The following CAB39L variants were observed in gnomAD, a reference collection of about 807,000 sequenced individuals.
CAB39L encodes the protein calcium-binding protein 39-like.
CAB39L carries 23 observed loss-of-function variants against 39.1 expected under a neutral mutation model. The observed-to-expected ratio is 0.59, with a 90% CI of 0.42 to 0.83. The LOEUF (loss-of-function observed/expected upper bound fraction) is 0.83, where lower values mean the gene tolerates loss of function less well. Among genes scored for constraint, CAB39L ranks in the 40% least tolerant of loss-of-function variants. The pLI is 0.00. For missense variants in CAB39L, 366 were observed against 391.9 expected, an observed-to-expected ratio of 0.93 and a Z score of 0.56; for synonymous variants, 126 against 137.2, an observed-to-expected ratio of 0.92 and a Z score of 0.57.
intron 5 of CAB39L, among the ~76,000 whole-genome samples, chr13:49,364,634 T>TTCC: frequency 6.6e-6 from 1 of 152,150 alleles, no homozygotes; most frequent in East Asian, 1.9e-4. Context: ...TCAGTAGCAT[T>TTCC]TCTATATGCT....
At chr13:49,392,864 A>G (rs1312845429) in intron 3 of CAB39L, 10 of 152,162 alleles carry the variant, frequency 6.6e-5, no homozygotes. Context: ...TTAATAATAG[A>G]AAATTGATGA....
chr13:49,410,007 C>T (rs74073711), intron 3 of CAB39L, among the ~76,000 whole-genome samples: 33,926 of 151,896 alleles, frequency 0.22, 3,821 homozygotes, highest in Middle Eastern at 0.23. Context: ...GTTAAAGTTC[C>T]GCTTATATCC....
intron 5 of CAB39L, among the ~76,000 whole-genome samples, chr13:49,374,072 C>T (rs759288055): frequency 6.6e-6 from 1 of 152,204 alleles, no homozygotes; most frequent in African/African-American, 2.4e-5. Context: ...CACTCCTTTT[C>T]ATTCATTCAT....
In CAB39L at chr13:49,430,234, C is replaced by T. The variant is rs9596103; in HGVS notation, c.-32+3084G>A. On this transcript the variant is annotated intron_variant, in intron 3 of 10. Coordinates refer to ENST00000409308, the MANE Select transcript of CAB39L (RefSeq NM_001079670.3). ...ACTAAAGATGCCCTTTTGCATGCTG[C>T]TAACTGCTATAGATAGTTGGGCGGA... Among the ~76,000 whole-genome samples the T allele has an allele frequency of 1.2e-3, 181 of 152,266 alleles. 1 individual carries two copies. The highest frequency in any genetic ancestry group is 4.3e-3 in the African/African-American group (180 of 41,556).
intron 10 of CAB39L, among the ~76,000 whole-genome samples, chr13:49,312,414 G>A (rs1308720821): frequency 6.6e-6 from 1 of 152,028 alleles, no homozygotes; most frequent in African/African-American, 2.4e-5. Context: ...TCTCTTTTAT[G>A]CCATCTTGTT....
intron 10 of CAB39L, among the ~76,000 whole-genome samples, chr13:49,314,182 T>C (rs1010992693): frequency 6.6e-6 from 1 of 152,048 alleles, no homozygotes; most frequent in Non-Finnish European, 1.5e-5. Flanking sequence ...ACAGTAAGAA[T>C]GAGTAAGGGA....
intron 10 of CAB39L, among the ~76,000 whole-genome samples, chr13:49,330,103 T>C (rs1954646203): frequency 6.6e-6 from 1 of 152,178 alleles, no homozygotes; most frequent in Non-Finnish European, 1.5e-5. Flanking sequence ...GCCAGCCTGC[T>C]TTCCACCTGG....
At position 49,332,622 on chromosome 13, in the gene CAB39L, T is replaced by G. The variant is rs1198506; in HGVS notation, c.691-532A>C. Among the ~76,000 whole-genome samples, 565 of 152,252 alleles carry G rather than the reference T, an allele frequency of 3.7e-3. 3 individuals are homozygous for G. Among genetic ancestry groups the G allele is most frequent in the African/African-American group, 0.013 (534 of 41,560 alleles). ...CAAATTTAGTAAGTGCAGCAAGTTT[T>G]TATTAAAAAGCAAAGCAAAACATTT... On this transcript the variant is annotated intron_variant, in intron 9 of 10. Transcript: ENST00000409308.
chr13:49,429,763 G>A (rs1957292758), intron 3 of CAB39L, among the ~76,000 whole-genome samples: 1 of 152,084 alleles, frequency 6.6e-6, no homozygotes, highest in Non-Finnish European at 1.5e-5. Flanking sequence ...TTCTCTTATA[G>A]TTTTAATTTG....
intron 5 of CAB39L, among the ~76,000 whole-genome samples, chr13:49,375,234 T>C (rs1294413640): frequency 6.6e-6 from 1 of 152,158 alleles, no homozygotes; most frequent in Non-Finnish European, 1.5e-5. Flanking sequence ...ATTATTCCTA[T>C]TTTATAGATG....
intron 1 of CAB39L, among the ~76,000 whole-genome samples, chr13:49,436,000 T>A (rs1957407178): frequency 6.6e-6 from 1 of 152,262 alleles, no homozygotes. Flanking sequence ...CATTTTTCAC[T>A]ATTTAAATAC....
intron 10 of CAB39L, among the ~76,000 whole-genome samples, chr13:49,322,880 TTA>T (rs1954389099): frequency 1.3e-5 from 2 of 152,218 alleles, no homozygotes. Flanking sequence ...TTGGTTTTAT[TTA>T]TAGTCACTCT....
At chr13:49,346,665 T>G (rs1425626442) in intron 7 of CAB39L, among the ~76,000 whole-genome samples, 1 of 152,192 alleles carries the variant, frequency 6.6e-6, no homozygotes, top group African/African-American at 2.4e-5. Context: ...GAGGGCTGAC[T>G]GTGCTGGGGA....
chr13:49,415,027 C>G (rs1375003161), intron 3 of CAB39L, among the ~76,000 whole-genome samples: 2 of 151,620 alleles, frequency 1.3e-5, no homozygotes, highest in Non-Finnish European at 2.9e-5. Context: ...GAAATCCCAT[C>G]TCTACTAAAA....
chr13:49,342,824 A>G (rs1294619148), intron 8 of CAB39L, among the ~76,000 whole-genome samples: 1 of 152,244 alleles, frequency 6.6e-6, no homozygotes, highest in African/African-American at 2.4e-5. Context: ...TCAGCATGAA[A>G]AAAGGATGTA....
intron 5 of CAB39L, among the ~76,000 whole-genome samples, chr13:49,363,722 C>T (rs1410520955): frequency 6.6e-6 from 1 of 150,848 alleles, no homozygotes; most frequent in South Asian, 2.1e-4. Context: ...ACTTGGGAGG[C>T]TGAGGTGTAA....
rs777940622 is a variant in CAB39L, at chr13:49,329,534, T to TAAAAAAA, written c.834+2406_834+2412dup. 9.8e-4 allele frequency among the ~76,000 whole-genome samples: 17 copies of TAAAAAAA among 17,402 alleles called. 1 individual carries two copies. Among genetic ancestry groups the TAAAAAAA allele is most frequent in the Admixed American group, 5.7e-3 (8 of 1,398 alleles). The allele number at this position is 17,402 out of a possible 152,430, so 11.4% of individuals were successfully genotyped here. A position where few individuals can be genotyped will look rare whatever the true frequency, so the allele number is the denominator to read the frequency against. On this transcript the variant is annotated intron_variant, in intron 10 of 10. Transcript: ENST00000409308. ...ACCTTGTCCTACATATCTCTTCAAT[T>TAAAAAAA]AAAAAAAAAAATATATATATATATA... is the stretch of plus-strand genomic sequence containing the variant.
intron 5 of CAB39L, 85 bp from the exon 6 acceptor site, chr13:49,359,917 C>T (rs1204700802): frequency 7.3e-6 from 5 of 682,508 alleles, no homozygotes; most frequent in South Asian, 2.0e-5. Flanking sequence ...TATATATATA[C>T]ACACAGACAG....
At chr13:49,352,455 T>C (rs2138474328) in intron 6 of CAB39L, among the ~76,000 whole-genome samples, 1 of 150,798 alleles carries the variant, frequency 6.6e-6, no homozygotes, top group South Asian at 2.1e-4. Flanking sequence ...TAGGGCCCCC[T>C]CCAAAAAAAA....
Sources: allele counts gnomAD v4.1 joint callset (sites outside exome capture counted in the v4.1 genomes callset), GRCh38; gene constraint gnomAD v4.1.1; transcripts MANE v1.5; gene names NCBI Gene and HGNC (gene_info 2026-07-23, HGNC 2026-07-21).